Variants in ENTREP2 observed in about 807,000 individuals in gnomAD.
ENTREP2 encodes the protein endosomal transmembrane epsin interactor 2, also known as protein ENTREP2.
chr15:29,214,331 C>T, the ENTREP2 span, among the ~76,000 whole-genome samples: 171 of 152,262 alleles, frequency 1.1e-3, no homozygotes, highest in South Asian at 0.011. Context: ...AAATGTGGCA[C>T]ATATACACCA....
At chr15:29,341,903 A>T in the ENTREP2 span, among the ~76,000 whole-genome samples, 1 of 152,036 alleles carries the variant, frequency 6.6e-6, no homozygotes, top group Non-Finnish European at 1.5e-5. Context: ...GTGGAGGAAA[A>T]TTTTTTTAAT....
At chr15:29,300,321 TGG>T in the ENTREP2 span, among the ~76,000 whole-genome samples, 1 of 95,716 alleles carries the variant, frequency 1.0e-5, no homozygotes, top group Non-Finnish European at 1.9e-5. Flanking sequence ...GATGGATGGA[TGG>T]ATGGATGGAT....
the ENTREP2 span, among the ~76,000 whole-genome samples, chr15:29,181,586 A>C: frequency 8.5e-5 from 13 of 152,302 alleles, no homozygotes; most frequent in African/African-American, 1.2e-4. Context: ...CAGAAATGCA[A>C]GAACGGTTCC....
At chr15:29,434,603 A>C in the ENTREP2 span, among the ~76,000 whole-genome samples, 1 of 152,160 alleles carries the variant, frequency 6.6e-6, no homozygotes, top group Non-Finnish European at 1.5e-5. Context: ...CATGAAGGAG[A>C]AAAGAATCTC....
At chr15:29,480,788 G>A in the ENTREP2 span, among the ~76,000 whole-genome samples, 1 of 152,180 alleles carries the variant, frequency 6.6e-6, no homozygotes, top group Non-Finnish European at 1.5e-5. Context: ...CTTTCCGAAG[G>A]TGTGAGTGGG....
At chr15:29,301,978 T>A in the ENTREP2 span, among the ~76,000 whole-genome samples, 18,459 of 152,156 alleles carry the variant, frequency 0.12, 1,516 homozygotes, top group African/African-American at 0.24. Flanking sequence ...GGTTTGTAAG[T>A]TACCCAGCCT....
the ENTREP2 span, among the ~76,000 whole-genome samples, chr15:29,444,466 T>TC: frequency 9.1e-6 from 1 of 109,524 alleles, no homozygotes; most frequent in Non-Finnish European, 2.2e-5. Context: ...TTCTTTTTTT[T>TC]CTTTTTTTCT....
At chr15:29,532,652 C>T in the ENTREP2 span, among the ~76,000 whole-genome samples, 16 of 152,258 alleles carry the variant, frequency 1.1e-4, no homozygotes, top group Admixed American at 9.2e-4. Flanking sequence ...ATTAGCTAAA[C>T]CAATGCTTAA....
At chr15:29,663,218 T>C in the ENTREP2 span, among the ~76,000 whole-genome samples, 1 of 152,012 alleles carries the variant, frequency 6.6e-6, no homozygotes, top group Non-Finnish European at 1.5e-5. Context: ...TCATTTTTAG[T>C]AATAAATAGC....
chr15:29,545,389 T>C, the ENTREP2 span, among the ~76,000 whole-genome samples: 1 of 152,154 alleles, frequency 6.6e-6, no homozygotes, highest in Non-Finnish European at 1.5e-5. Context: ...ATTAAAGCTG[T>C]CAGGCAAAGC....
At chr15:29,121,448 C>G in the ENTREP2 span, 1 of 152,286 alleles carries the variant, frequency 6.6e-6, no homozygotes, top group Non-Finnish European at 1.5e-5. Context: ...TAGTGTGGAC[C>G]CCCCCAAGCA....
chr15:29,270,661 A>C, the ENTREP2 span, among the ~76,000 whole-genome samples: 1 of 150,994 alleles, frequency 6.6e-6, no homozygotes, highest in Admixed American at 6.6e-5. Context: ...AGGAAAAAAA[A>C]GAGAACACTG....
the ENTREP2 span, among the ~76,000 whole-genome samples, chr15:29,582,254 C>CA: frequency 6.6e-6 from 1 of 151,964 alleles, no homozygotes; most frequent in African/African-American, 2.4e-5. Flanking sequence ...CATCTGTAAG[C>CA]AAAAACAAAT....
At chr15:29,380,233 A>C in the ENTREP2 span, among the ~76,000 whole-genome samples, 7 of 152,182 alleles carry the variant, frequency 4.6e-5, no homozygotes, top group African/African-American at 1.7e-4. Context: ...AATTCCTTAT[A>C]TGAGCCGAGA....
At chr15:29,465,321 G>C in the ENTREP2 span, among the ~76,000 whole-genome samples, 1 of 152,128 alleles carries the variant, frequency 6.6e-6, no homozygotes, top group African/African-American at 2.4e-5. Context: ...ACATTTCTTG[G>C]TTCTCCAGGA....
At chr15:29,652,854 C>T in the ENTREP2 span, among the ~76,000 whole-genome samples, 201 of 152,266 alleles carry the variant, frequency 1.3e-3, 1 homozygote, top group South Asian at 6.4e-3. Context: ...GGATCCAGGC[C>T]GGTAGCATGA....
chr15:29,635,281 A>G, the ENTREP2 span, among the ~76,000 whole-genome samples: 4 of 152,082 alleles, frequency 2.6e-5, no homozygotes, highest in East Asian at 7.7e-4. Flanking sequence ...ACCAGCCCCA[A>G]CCTTCCTAGG....
chr15:29,233,822 G>A, the ENTREP2 span: 52 of 1,577,086 alleles, frequency 3.3e-5, no homozygotes, highest in East Asian at 1.8e-4. Context: ...ACTGTCTGGC[G>A]AAGATTAAAA....
chr15:29,252,966 G>A, the ENTREP2 span, among the ~76,000 whole-genome samples: 1 of 152,158 alleles, frequency 6.6e-6, no homozygotes, highest in East Asian at 1.9e-4. Flanking sequence ...GGCCAACTGT[G>A]TTTCATTTAC....
Sources: gnomAD v4.1 joint callset for allele counts (sites outside exome capture counted in the v4.1 genomes callset) on GRCh38, gnomAD v4.1.1 for gene constraint, MANE v1.5 for transcripts, NCBI Gene and HGNC (gene_info 2026-07-23, HGNC 2026-07-21) for gene names.